The following RRBP1 variants were observed in gnomAD, a reference collection of about 807,000 sequenced individuals.
The protein encoded by RRBP1 is ribosome binding protein 1.
RRBP1 carries 94 observed loss-of-function variants against 165.2 expected under a neutral mutation model. The ratio of observed to expected loss-of-function variants is 0.57; its 90% CI spans 0.48 to 0.68. RRBP1 has a LOEUF of 0.68. Ranked by LOEUF, RRBP1 falls within the 30% of genes least tolerant of loss-of-function variation. The probability of loss-of-function intolerance (pLI) is 0.00; values close to 1 mark genes in which losing one functional copy is unlikely to be tolerated. For synonymous variants in RRBP1, 680 were observed against 714.5 expected (o/e 0.95, Z 0.77); for missense variants, 1,676 against 1,763.0 (o/e 0.95, Z 0.88).
intron 11 of RRBP1, 96 bp downstream of exon 11, chr20:17,627,252 G>C (rs2036043696): frequency 4.0e-6 from 5 of 1,253,166 alleles, no homozygotes; most frequent in African/African-American, 1.5e-5. Flanking sequence ...TTCTGCAGAG[G>C]ACCTGAGCAC....
chr20:17,657,487 T>A (rs1406574934), intron 3 of RRBP1, among the ~76,000 whole-genome samples: 1 of 151,912 alleles, frequency 6.6e-6, no homozygotes, highest in Admixed American at 6.6e-5. Context: ...TCACACCTCC[T>A]AAGATACCCT....
intron 3 of RRBP1, among the ~76,000 whole-genome samples, chr20:17,653,195 C>T (rs989008535): frequency 6.6e-5 from 10 of 152,212 alleles, no homozygotes; most frequent in African/African-American, 1.7e-4. Flanking sequence ...AGCGCGCCCT[C>T]GGGCTCTCCC....
chr20:17,619,731 G>A lies in RRBP1; in HGVS notation c.3580-3C>T, dbSNP rs759920525. 19 of 1,606,772 alleles carry A rather than the reference G, an allele frequency of 1.2e-5. No individual in the cohort carries two copies. The highest frequency in any genetic ancestry group is 3.3e-4 in the Middle Eastern group (2 of 6,050). The stretch of plus-strand genomic sequence containing the variant: ...AAATGCGACGTGTGCTCCCTCACCT[G>A]GACAGATGCACAGACACGCACACGC... On this transcript the variant is annotated splice_polypyrimidine_tract_variant and splice_region_variant and intron_variant, in intron 18 of 24. Transcript: ENST00000377813.
At chr20:17,619,352 C>A (rs550667033) in intron 19 of RRBP1, 1 of 360,494 alleles carries the variant, frequency 2.8e-6, no homozygotes, top group East Asian at 4.3e-5. Context: ...AATCCCCTTG[C>A]GGAGGGATAA....
rs191021728 is a variant in RRBP1 at position 17,617,489 on chromosome 20, G to A, written c.3760-650C>T. ...CCACCCCAGGTACGTGGGAACCCCA[G>A]ACATTCTTCCCTCCCTCTGAACAGC... On this transcript the variant is annotated intron_variant, in intron 20 of 24. Coordinates refer to ENST00000377813, the MANE Select transcript of RRBP1 (RefSeq NM_001365613.2). 4.2e-3 allele frequency among the ~76,000 whole-genome samples: 633 copies of A among 152,340 alleles called. 1 individual carries two copies. Among genetic ancestry groups the A allele is most frequent in the Non-Finnish European group, 6.3e-3 (427 of 68,034 alleles).
chr20:17,635,906 C>G lies in RRBP1; in HGVS notation c.2338-242G>C, dbSNP rs555837920. On this transcript the variant is annotated intron_variant, in intron 6 of 24. Coordinates refer to ENST00000377813, the MANE Select transcript of RRBP1 (RefSeq NM_001365613.2). ...CTCCCTCCTCACTGCTCATGGCCTG[C>G]CCAAGGCTGAACACTCAGCCCAGGG... Among the ~76,000 whole-genome samples the G allele has an allele frequency of 2.0e-5, 3 of 152,340 alleles. No individual in the cohort carries two copies. In the East Asian group the frequency reaches 5.8e-4, roughly 29 times the overall value.
intron 20 of RRBP1, among the ~76,000 whole-genome samples, chr20:17,617,476 C>T (rs779126300): frequency 1.3e-4 from 20 of 152,238 alleles, no homozygotes; most frequent in Non-Finnish European, 2.2e-4. Flanking sequence ...ACCCCAGGTA[C>T]GTGGGAACCC....
intron 3 of RRBP1, among the ~76,000 whole-genome samples, chr20:17,656,748 T>C (rs972881442): frequency 2.0e-5 from 3 of 152,226 alleles, no homozygotes; most frequent in Non-Finnish European, 2.9e-5. Context: ...TCCGTCAAGT[T>C]AGGGGGAAAA....
Position 17,621,775 on chromosome 20 carries a change from T to C in RRBP1, c.3241-2A>G. 6.2e-7 allele frequency: 1 copy of C among 1,613,944 alleles called. No homozygotes were observed. Among genetic ancestry groups the C allele is most frequent in the Non-Finnish European group, 8.5e-7 (1 of 1,180,002 alleles). ...ATCCTGCAGCCACTCGGTGTAATTCTGCAATGAAACACATTCGGTGAGACC... is the reference window on the plus strand; with the variant it reads ...ATCCTGCAGCCACTCGGTGTAATTCCGCAATGAAACACATTCGGTGAGACC... On this transcript the variant is annotated splice_acceptor_variant, in intron 14 of 24. Transcript: ENST00000377813. LOFTEE classifies it high-confidence loss of function.
At chr20:17,640,477 T>C (rs2036332779) in intron 5 of RRBP1, among the ~76,000 whole-genome samples, 1 of 151,986 alleles carries the variant, frequency 6.6e-6, no homozygotes, top group Admixed American at 6.6e-5. Flanking sequence ...CAGACTTAGG[T>C]CTGAAGATTA....
intron 23 of RRBP1, 74 bp downstream of exon 23, chr20:17,615,357 T>C (rs2035777651): frequency 1.6e-6 from 2 of 1,254,832 alleles, no homozygotes; most frequent in South Asian, 1.4e-5. Context: ...TCCTGGCCCC[T>C]TTCCGAGGCC....
In RRBP1 at chr20:17,652,838, C is replaced by A. The variant is rs75445466; in HGVS notation, c.1912+5758G>T. 4.1e-3 allele frequency among the ~76,000 whole-genome samples: 625 copies of A among 152,308 alleles called. 5 individuals are homozygous for A. The highest frequency in any genetic ancestry group is 3.0e-3 in the Non-Finnish European group (205 of 68,030). On this transcript the variant is annotated intron_variant, in intron 3 of 24. Coordinates refer to ENST00000377813, the MANE Select transcript of RRBP1 (RefSeq NM_001365613.2). ...GCTCACCAGGCAACATGGTCACAGC[C>A]GCCAATGTTAAGTGGAAATCCAAAT...
At chr20:17,635,441 G>T in intron 7 of RRBP1, 105 bp downstream of exon 7, 1 of 805,906 alleles carries the variant, frequency 1.2e-6, no homozygotes, top group East Asian at 2.5e-5. Flanking sequence ...ACACATGTAG[G>T]GCCCATGCCT....
Position 17,658,650 on chromosome 20 carries a change from T to C in RRBP1, c.1858A>G (p.Lys620Glu), listed in dbSNP as rs758259417. Reference protein sequence around the residue: ...TDVAQSPEAPKQEAPAKKKSG... With the variant: ...TDVAQSPEAPEQEAPAKKKSG... ...TTCTTCTTGGCAGGAGCCTCTTGCT[T>C]TGGTGCCTCTGGGCTCTGGGCCACA... is the stretch of plus-strand genomic sequence containing the variant. Residue 620 changes from lysine (K) to glutamate (E), a missense_variant, in exon 3 of 25, where the codon AAG becomes GAG. By Grantham distance (56) the Lys-to-Glu change is moderately conservative. Transcript: ENST00000377813. 7 of 1,613,198 alleles carry C rather than the reference T, an allele frequency of 4.3e-6. No individual in the cohort carries two copies. The Admixed American group carries it at 1.0e-4, about 23-fold the overall frequency.
chr20:17,679,060 G>A lies in RRBP1; in HGVS notation c.-22+939C>T, dbSNP rs930630212. ...CAGGAGGGAACATTTGGAAGGCCGG[G>A]CCCACATCGCCTAGCAACTGGGCAA... On this transcript the variant is annotated intron_variant, in intron 2 of 24. Coordinates refer to ENST00000377813, the MANE Select transcript of RRBP1 (RefSeq NM_001365613.2). 3.9e-5 allele frequency among the ~76,000 whole-genome samples: 6 copies of A among 152,170 alleles called. No individual in the cohort carries two copies. In the East Asian group the frequency reaches 9.6e-4, roughly 24 times the overall value.
intron 2 of RRBP1, among the ~76,000 whole-genome samples, chr20:17,674,334 A>G (rs2037034160): frequency 6.6e-6 from 1 of 152,210 alleles, no homozygotes; most frequent in Non-Finnish European, 1.5e-5. Flanking sequence ...CCTCCTACTT[A>G]GTGGACTGCC....
In RRBP1 at chr20:17,643,238, T is replaced by G; in HGVS notation, c.1913-111A>C. The stretch of plus-strand genomic sequence containing the variant: ...CTGGTCACAGCCACGAAGAGCTCTC[T>G]GACTGCTTGGGGTCAGCAGGCTGAG... On this transcript the variant is annotated intron_variant, in intron 3 of 24. Transcript: ENST00000377813. The surrounding 1 kb of genome is among the most constrained non-coding windows in gnomAD (Gnocchi z 4.3). 2.6e-6 allele frequency: 3 copies of G among 1,144,736 alleles called. No homozygotes were observed. Among genetic ancestry groups the G allele is most frequent in the Non-Finnish European group, 3.7e-6 (3 of 812,736 alleles). 70.9% of individuals were successfully genotyped at this position (1,144,736 alleles called of 1,614,324 possible).
At position 17,615,899 on chromosome 20, in the gene RRBP1, G is replaced by A. The variant is rs140440284; in HGVS notation, c.3951+27C>T. The A allele has an allele frequency of 6.4e-3, 10,239 of 1,594,422 alleles. 51 individuals are homozygous for A. The highest frequency in any genetic ancestry group is 7.7e-3 in the Non-Finnish European group (8,997 of 1,168,128). On this transcript the variant is annotated intron_variant, in intron 22 of 24. Transcript: ENST00000377813. ...ACTCAGGGCCCAGGGGCTGATGGGGGCTGAGAGCCACCAGGCAGGGCCTGA... is the reference window on the plus strand; with the variant it reads ...ACTCAGGGCCCAGGGGCTGATGGGGACTGAGAGCCACCAGGCAGGGCCTGA...
intron 3 of RRBP1, among the ~76,000 whole-genome samples, chr20:17,649,792 G>T (rs1453678713): frequency 1.3e-5 from 2 of 152,108 alleles, no homozygotes; most frequent in Non-Finnish European, 2.9e-5. Flanking sequence ...CTATTGTAGG[G>T]GTAGAATGGG....
Sources: gnomAD v4.1 joint callset for allele counts (sites outside exome capture counted in the v4.1 genomes callset) on GRCh38, gnomAD v4.1.1 for gene constraint, Gnocchi (gnomAD v3.1) non-coding constraint, MANE v1.5 for transcripts, NCBI Gene and HGNC (gene_info 2026-07-23, HGNC 2026-07-21) for gene names.